EPHB3: variants seen among roughly 807,000 people sequenced by gnomAD.
The protein encoded by EPHB3 is ephrin type-B receptor 3.
A neutral mutation model predicts 100.2 loss-of-function variants in EPHB3; 33 were observed. That is an observed-to-expected ratio of 0.33 (90% CI 0.25 to 0.44). The LOEUF is 0.44. Among genes scored for constraint, EPHB3 ranks in the 20% least tolerant of loss-of-function variants. The pLI is 1.00. For missense variants in EPHB3, 1,045 were observed against 1,378.3 expected, an observed-to-expected ratio of 0.76 and a Z score of 3.83; for synonymous variants, 526 against 554.7, an observed-to-expected ratio of 0.95 and a Z score of 0.73.
chr3:184,581,235 C>T lies in EPHB3; in HGVS notation c.2733-18C>T. The T allele has an allele frequency of 1.9e-6, 3 of 1,598,650 alleles. No individual in the cohort carries two copies. Among genetic ancestry groups the T allele is most frequent in the Non-Finnish European group, 2.6e-6 (3 of 1,170,970 alleles). On this transcript the variant is annotated intron_variant, in intron 14 of 15. Coordinates refer to ENST00000330394, the MANE Select transcript of EPHB3 (RefSeq NM_004443.4). ...TCCCACCTTCAAGACTCACCAGGTC[C>T]TTCTCTTCTTCCCACAGCATGTCAC...
At chr3:184,566,751 C>T (rs1714395664) in intron 1 of EPHB3, among the ~76,000 whole-genome samples, 1 of 152,268 alleles carries the variant, frequency 6.6e-6, no homozygotes. Flanking sequence ...GGGCCCAGCC[C>T]TGGTGCTGAC....
intron 1 of EPHB3, among the ~76,000 whole-genome samples, chr3:184,570,577 C>T (rs1195687930): frequency 6.6e-6 from 1 of 152,252 alleles, no homozygotes; most frequent in Non-Finnish European, 1.5e-5. Context: ...GGAGCTGGCT[C>T]TGGCCTGTCA....
At position 184,571,185 on chromosome 3, in the gene EPHB3, C is replaced by T; in HGVS notation, c.119-133C>T. 1.3e-6 allele frequency: 1 copy of T among 775,346 alleles called. No individual in the cohort carries two copies. Among genetic ancestry groups the T allele is most frequent in the Non-Finnish European group, 2.2e-6 (1 of 453,422 alleles). The allele number at this position is 775,346 out of a possible 1,614,324, so 48.0% of individuals were successfully genotyped here. On this transcript the variant is annotated intron_variant, in intron 1 of 15. Transcript: ENST00000330394. This position sits in a 1 kb window ranked among gnomAD's most constrained non-coding sequence, Gnocchi z 5.0. ...GTCAGACTGATCTCAAACTCCTGAC[C>T]TCAAGTGATCCACCTGCCTCAGACT...
At position 184,579,952 on chromosome 3, in the gene EPHB3, G is replaced by A. The variant is rs1161800811; in HGVS notation, c.2172+18G>A. ...TCCTCCGGGTAAGAGCCAGCCCCCAGGCCCTCTCCCTCCCCCAGAGAGTTG... is the reference window on the plus strand; with the variant it reads ...TCCTCCGGGTAAGAGCCAGCCCCCAAGCCCTCTCCCTCCCCCAGAGAGTTG... On this transcript the variant is annotated intron_variant, in intron 11 of 15. Transcript: ENST00000330394. This position sits in a 1 kb window ranked among gnomAD's most constrained non-coding sequence, Gnocchi z 5.2. The A allele has an allele frequency of 6.2e-7, 1 of 1,607,332 alleles. No homozygotes were observed. The highest frequency in any genetic ancestry group is 2.2e-5 in the East Asian group (1 of 44,846).
In EPHB3 at chr3:184,571,771, C is replaced by T. The variant is rs1714544667; in HGVS notation, c.183+389C>T. 6.6e-6 allele frequency among the ~76,000 whole-genome samples: 1 copy of T among 152,170 alleles called. No homozygotes were observed. ...GTGTGACCTTGGGCAAGGCCGTTTA[C>T]CCCTCTGGGTGGCCACTTCTTGACT... On this transcript the variant is annotated intron_variant, in intron 2 of 15. Coordinates refer to ENST00000330394, the MANE Select transcript of EPHB3 (RefSeq NM_004443.4). This position sits in a 1 kb window ranked among gnomAD's most constrained non-coding sequence, Gnocchi z 5.0.
At position 184,579,874 on chromosome 3, in the gene EPHB3, T is replaced by C; in HGVS notation, c.2112T>C (p.Ser704=). The C allele has an allele frequency of 6.2e-7, 1 of 1,613,684 alleles. No individual in the cohort carries two copies. Among genetic ancestry groups the C allele is most frequent in the South Asian group, 1.1e-5 (1 of 91,060 alleles). ...IIRLEGVVTK[S]RPVMILTEFM... is the part of the protein sequence containing the mutation. ...GGCTCGAGGGCGTGGTCACCAAAAG[T>C]CGGCCAGTTATGATCCTCACTGAGT... Residue 704 remains serine (S), a synonymous_variant, in exon 11 of 16, where the codon AGT becomes AGC. Coordinates refer to ENST00000330394, the MANE Select transcript of EPHB3 (RefSeq NM_004443.4). This position sits in a 1 kb window ranked among gnomAD's most constrained non-coding sequence, Gnocchi z 5.2.
rs1443771181 is a variant in EPHB3, at chr3:184,579,350, G to A, written c.1802-127G>A. 1 of 1,411,158 alleles carries A rather than the reference G, an allele frequency of 7.1e-7. No homozygotes were observed. The highest frequency in any genetic ancestry group is 9.5e-7 in the Non-Finnish European group (1 of 1,047,246). The allele number at this position is 1,411,158 out of a possible 1,614,324, so 87.4% of individuals were successfully genotyped here. On this transcript the variant is annotated intron_variant, in intron 9 of 15. Coordinates refer to ENST00000330394, the MANE Select transcript of EPHB3 (RefSeq NM_004443.4). The surrounding 1 kb of genome is among the most constrained non-coding windows in gnomAD (Gnocchi z 5.2). ...TCACCAGGAGTTCTCATGGGAGCTG[G>A]AGGATTAGGGCAGCAACACAGAGGA...
At position 184,579,622 on chromosome 3, in the gene EPHB3, G is replaced by A. The variant is rs780496236; in HGVS notation, c.1924+23G>A. ...CTGGTGAGTCTCCCGGGGCACAGTA[G>A]AGATGAGAAGCTGAGGCGGGCTGGG... On this transcript the variant is annotated intron_variant, in intron 10 of 15. Coordinates refer to ENST00000330394, the MANE Select transcript of EPHB3 (RefSeq NM_004443.4). This position sits in a 1 kb window ranked among gnomAD's most constrained non-coding sequence, Gnocchi z 5.2. 7 of 1,613,398 alleles carry A rather than the reference G, an allele frequency of 4.3e-6. No homozygotes were observed. Among genetic ancestry groups the A allele is most frequent in the Non-Finnish European group, 5.9e-6 (7 of 1,179,444 alleles).
chr3:184,567,349 G>A (rs1484313625), intron 1 of EPHB3, among the ~76,000 whole-genome samples: 1 of 152,220 alleles, frequency 6.6e-6, no homozygotes, highest in African/African-American at 2.4e-5. Flanking sequence ...TGCAAGAGTG[G>A]CCCATGTGGC....
In EPHB3 at chr3:184,577,993, A is replaced by G. The variant is rs56103851; in HGVS notation, c.1735A>G (p.Ile579Val). The G allele has an allele frequency of 5.0e-6, 8 of 1,613,820 alleles. No individual in the cohort carries two copies. Among genetic ancestry groups the G allele is most frequent in the East Asian group, 4.5e-5 (2 of 44,868 alleles). ...VFVVAVVVIA[I>V]VCLRKQRHGS... ...CGTGGTGGCTGTCGTGGTCATCGCTATCGTCTGCCTCAGGTACTCCCAGGC... is the reference window on the plus strand; with the variant it reads ...CGTGGTGGCTGTCGTGGTCATCGCTGTCGTCTGCCTCAGGTACTCCCAGGC... The change falls in exon 8 of 16, where the codon ATC (isoleucine) becomes GTC (valine). Residue 579 changes from isoleucine to valine, a missense_variant. This residue lies in a region of EPHB3 where 985 missense variants were observed against 1,331.1 expected (regional missense o/e 0.74). Coordinates refer to ENST00000330394, the MANE Select transcript of EPHB3 (RefSeq NM_004443.4). This position sits in a 1 kb window ranked among gnomAD's most constrained non-coding sequence, Gnocchi z 4.9.
Position 184,573,143 on chromosome 3 carries a change from C to T in EPHB3, c.823C>T (p.His275Tyr), listed in dbSNP as rs770161870. The T allele has an allele frequency of 6.2e-7, 1 of 1,612,646 alleles. No individual in the cohort carries two copies. Among genetic ancestry groups the T allele is most frequent in the Non-Finnish European group, 8.5e-7 (1 of 1,180,022 alleles). ...PVGACTCATG[H>Y]EPAAKESQCR... Reference sequence around the variant, plus strand: ...GGGTGCCTGCACCTGTGCCACCGGCCATGAGCCAGCTGCCAAGGAGTCCCA... The same window carrying T: ...GGGTGCCTGCACCTGTGCCACCGGCTATGAGCCAGCTGCCAAGGAGTCCCA... Residue 275 changes from histidine to tyrosine, a missense_variant, in exon 3 of 16, where the codon CAT becomes TAT. Physicochemically the swap from His to Tyr is moderately conservative, Grantham distance 83 (BLOSUM62 2). This residue lies in a region of EPHB3 where 985 missense variants were observed against 1,331.1 expected (regional missense o/e 0.74). Transcript: ENST00000330394. This position sits in a 1 kb window ranked among gnomAD's most constrained non-coding sequence, Gnocchi z 4.5.
rs1714759255 is a variant in EPHB3 at position 184,579,222 on chromosome 3, G to A, written c.1802-255G>A. The stretch of plus-strand genomic sequence containing the variant: ...TGTTGAAGGCCTGGACAAGGTCGGG[G>A]CAGTGGGAACCAGGGGAGGCATGAA... On this transcript the variant is annotated intron_variant, in intron 9 of 15. Transcript: ENST00000330394. The surrounding 1 kb of genome is among the most constrained non-coding windows in gnomAD (Gnocchi z 5.2). Among the ~76,000 whole-genome samples, 1 of 152,188 alleles carries A rather than the reference G, an allele frequency of 6.6e-6. No homozygotes were observed. The highest frequency in any genetic ancestry group is 2.4e-5 in the African/African-American group (1 of 41,436).
rs1400580033 is a variant in EPHB3 at position 184,572,554 on chromosome 3, C to T, written c.234C>T (p.Tyr78=). The T allele has an allele frequency of 6.4e-7, 1 of 1,556,908 alleles. No individual in the cohort carries two copies. The highest frequency in any genetic ancestry group is 2.3e-5 in the East Asian group (1 of 44,002). The change falls in exon 3 of 16, where the codon TAC becomes TAT. Residue 78 remains tyrosine, a synonymous_variant. Coordinates refer to ENST00000330394, the MANE Select transcript of EPHB3 (RefSeq NM_004443.4). This position sits in a 1 kb window ranked among gnomAD's most constrained non-coding sequence, Gnocchi z 6.6. ...AGGCCATGAATCCCATCCGCACATACCAGGTGTGTAATGTGCGCGAGTCAA... is the reference window on the plus strand; with the variant it reads ...AGGCCATGAATCCCATCCGCACATATCAGGTGTGTAATGTGCGCGAGTCAA... ...YDEAMNPIRT[Y]QVCNVRESSQ...
rs56337404 is a variant in EPHB3 at position 184,573,163 on chromosome 3, G to A, written c.843G>A (p.Glu281=). The A allele has an allele frequency of 2.1e-3, 3,319 of 1,612,240 alleles. 13 individuals are homozygous for A. Among genetic ancestry groups the A allele is most frequent in the African/African-American group, 0.01 (775 of 75,050 alleles). The change falls in exon 3 of 16, where the codon GAG becomes GAA. Residue 281 remains glutamate (E), a synonymous_variant. Transcript: ENST00000330394. This position sits in a 1 kb window ranked among gnomAD's most constrained non-coding sequence, Gnocchi z 4.5. ...CATGHEPAAK[E]SQCRPCPPGS... ...CCGGCCATGAGCCAGCTGCCAAGGA[G>A]TCCCAGTGCCGCCGTGAGTGGGGAC...
intron 1 of EPHB3, among the ~76,000 whole-genome samples, chr3:184,566,028 G>C (rs562947451): frequency 7.9e-5 from 12 of 152,206 alleles, no homozygotes; most frequent in East Asian, 2.0e-4. Flanking sequence ...TGGGCAGCTG[G>C]GGGGGGTGAA....
chr3:184,568,755 C>G (rs1560054972), intron 1 of EPHB3, among the ~76,000 whole-genome samples: 1 of 152,266 alleles, frequency 6.6e-6, no homozygotes, highest in Non-Finnish European at 1.5e-5. Context: ...GGCCCCCTCC[C>G]CACCGGAGTG....
In EPHB3 at chr3:184,577,368, C is replaced by T; in HGVS notation, c.1380C>T (p.Arg460=). ...CCCCGTCTGAAGTGCCCACACTACG[C>T]CTGCACAGCAGCTCAGGCAGCAGCC... ...QAAPSEVPTL[R]LHSSSGSSLT... Residue 460 remains arginine (R), a synonymous_variant, in exon 6 of 16, where the codon CGC becomes CGT. Coordinates refer to ENST00000330394, the MANE Select transcript of EPHB3 (RefSeq NM_004443.4). The surrounding 1 kb of genome is among the most constrained non-coding windows in gnomAD (Gnocchi z 4.9). 6.2e-7 allele frequency: 1 copy of T among 1,613,810 alleles called. No individual in the cohort carries two copies. Among genetic ancestry groups the T allele is most frequent in the Non-Finnish European group, 8.5e-7 (1 of 1,180,022 alleles).
rs1425011819 is a variant in EPHB3, at chr3:184,571,610, G to A, written c.183+228G>A. Among the ~76,000 whole-genome samples the A allele has an allele frequency of 6.6e-6, 1 of 151,768 alleles. No individual in the cohort carries two copies. The highest frequency in any genetic ancestry group is 2.1e-4 in the South Asian group (1 of 4,788). On this transcript the variant is annotated intron_variant, in intron 2 of 15. Coordinates refer to ENST00000330394, the MANE Select transcript of EPHB3 (RefSeq NM_004443.4). The surrounding 1 kb of genome is among the most constrained non-coding windows in gnomAD (Gnocchi z 5.0). ...CTATCTCTCACCCCTCTGCCTGCCT[G>A]TGCCCCCCAGCTCCCGCTCCCTCTC... is the stretch of plus-strand genomic sequence containing the variant.
At chr3:184,575,078 G>C (rs1714638843) in intron 3 of EPHB3, 2 of 925,170 alleles carry the variant, frequency 2.2e-6, no homozygotes, top group South Asian at 5.0e-5. Context: ...AAATGTTCCA[G>C]TGTGAAGAAT....
Sources: gnomAD v4.1 joint callset for allele counts (sites outside exome capture counted in the v4.1 genomes callset) on GRCh38, gnomAD v4.1.1 for gene constraint, gnomAD v4.1.1 regional missense constraint, Gnocchi (gnomAD v3.1) non-coding constraint, MANE v1.5 for transcripts, NCBI Gene and HGNC (gene_info 2026-07-23, HGNC 2026-07-21) for gene names.